Variants in MFAP3 observed in about 807,000 individuals in gnomAD.
MFAP3 encodes microfibril-associated glycoprotein 3.
Under a neutral mutation model 20.5 loss-of-function variants are expected in MFAP3, and 8 were observed. The observed-to-expected ratio is 0.39, with a 90% CI of 0.23 to 0.70. The LOEUF (loss-of-function observed/expected upper bound fraction) is 0.70, where lower values mean the gene tolerates loss of function less well. Among genes scored for constraint, MFAP3 ranks in the 30% least tolerant of loss-of-function variants. The pLI, the probability that MFAP3 is intolerant of heterozygous loss-of-function variation, is 0.44. For missense variants in MFAP3, 398 were observed against 444.6 expected (o/e 0.90, Z 0.94); for synonymous variants, 140 against 154.0 (o/e 0.91, Z 0.67).
At position 154,049,329 on chromosome 5, in the gene MFAP3, G is replaced by A. The variant is rs141618414; in HGVS notation, c.-166-228G>A. ...AGAGAGAATGCTGCTTGCCAAGGTC[G>A]TACAGCTAGTTAGTGGCAAAGCTAG... On this transcript the variant is annotated intron_variant, in intron 1 of 2. Coordinates refer to ENST00000522782, the MANE Select transcript of MFAP3 (RefSeq NM_005927.5). Among the ~76,000 whole-genome samples the A allele has an allele frequency of 3.5e-3, 527 of 152,252 alleles. 5 individuals are homozygous for A. Among genetic ancestry groups the A allele is most frequent in the African/African-American group, 9.0e-3 (373 of 41,556 alleles).
At position 154,055,515 on chromosome 5, in the gene MFAP3, T is replaced by G. The variant is rs544337167; in HGVS notation, c.*1802T>G. 2.0e-5 allele frequency among the ~76,000 whole-genome samples: 3 copies of G among 152,218 alleles called. No homozygotes were observed. Among genetic ancestry groups the G allele is most frequent in the Non-Finnish European group, 4.4e-5 (3 of 68,036 alleles). The stretch of plus-strand genomic sequence containing the variant: ...CCAAAGCTTGCCTTGGCTCATAGAC[T>G]GGTATTTCTTTAAGGAAAATTGTTT... On this transcript the variant is annotated 3_prime_UTR_variant, in exon 3 of 3. Transcript: ENST00000522782.
intron 2 of MFAP3, 83 bp from the exon 3 acceptor site, chr5:154,052,837 A>T: frequency 8.6e-7 from 1 of 1,160,764 alleles, no homozygotes; most frequent in Non-Finnish European, 1.2e-6. Flanking sequence ...ACTTTGATAA[A>T]GAGGTGGAAT....
Position 154,049,732 on chromosome 5 carries a change from C to T in MFAP3, c.10C>T (p.His4Tyr). The T allele has an allele frequency of 6.2e-7, 1 of 1,612,276 alleles. No individual in the cohort carries two copies. Among genetic ancestry groups the T allele is most frequent in the Non-Finnish European group, 8.5e-7 (1 of 1,178,706 alleles). The change falls in exon 2 of 3, where the codon CAT (histidine) becomes TAT (tyrosine). Residue 4 changes from histidine (H) to tyrosine (Y), a missense_variant. Transcript: ENST00000522782. Reference protein sequence around the residue: MKLHCCLFTLVASI... With the variant: MKLYCCLFTLVASI... ...TTTGTCCCATTTTCCCATGAAGCTA[C>T]ATTGTTGCTTATTCACTTTAGTGGC... is the stretch of plus-strand genomic sequence containing the variant.
At chr5:154,045,392 C>A (rs1197672973) in intron 1 of MFAP3, among the ~76,000 whole-genome samples, 2 of 151,892 alleles carry the variant, frequency 1.3e-5, no homozygotes, top group East Asian at 3.9e-4. Context: ...CATAATATTG[C>A]AAAATATTTG....
chr5:154,049,755 G>C lies in MFAP3; in HGVS notation c.33G>C (p.Val11=). Residue 11 remains valine, a synonymous_variant, in exon 2 of 3, where the codon GTG becomes GTC. Transcript: ENST00000522782. The part of the protein sequence containing the change: MKLHCCLFTL[V]ASIIVPAAFV... ...TACATTGTTGCTTATTCACTTTAGT[G>C]GCAAGTATTATTGTGCCAGCTGCTT... is the stretch of plus-strand genomic sequence containing the variant. The C allele has an allele frequency of 6.2e-7, 1 of 1,613,524 alleles. No homozygotes were observed. Among genetic ancestry groups the C allele is most frequent in the Non-Finnish European group, 8.5e-7 (1 of 1,179,614 alleles).
At position 154,049,652 on chromosome 5, in the gene MFAP3, G is replaced by A. The variant is rs923062015; in HGVS notation, c.-71G>A. ...TTCTCTACCAAGCAATAAATTACCC[G>A]CTGTGCTTTTGTTGTAGTGTAGAAG... On this transcript the variant is annotated 5_prime_UTR_variant, in exon 2 of 3. Coordinates refer to ENST00000522782, the MANE Select transcript of MFAP3 (RefSeq NM_005927.5). The A allele has an allele frequency of 1.1e-5, 16 of 1,437,678 alleles. No individual in the cohort carries two copies. The highest frequency in any genetic ancestry group is 4.1e-5 in the South Asian group (3 of 73,726). 89.1% of individuals were successfully genotyped at this position (1,437,678 alleles called of 1,614,324 possible).
Position 154,054,044 on chromosome 5 carries a change from C to A in MFAP3, c.*331C>A, listed in dbSNP as rs1773272052. 1.7e-5 allele frequency: 4 copies of A among 229,594 alleles called. No individual in the cohort carries two copies. In the South Asian group the frequency reaches 4.1e-4, roughly 23 times the overall value. 14.2% of individuals were successfully genotyped at this position (229,594 alleles called of 1,614,324 possible). A position where few individuals can be genotyped will look rare whatever the true frequency, so the allele number is the denominator to read the frequency against. Reference sequence around the variant, plus strand: ...GTTCTTCCATTGGTTGGATCTGATACTTATCTTGGGACTTCAGTTTTTCCG... The same window carrying A: ...GTTCTTCCATTGGTTGGATCTGATAATTATCTTGGGACTTCAGTTTTTCCG... On this transcript the variant is annotated 3_prime_UTR_variant, in exon 3 of 3. Coordinates refer to ENST00000522782, the MANE Select transcript of MFAP3 (RefSeq NM_005927.5).
At position 154,057,422 on chromosome 5, in the gene MFAP3, G is replaced by T. The variant is rs186178174; in HGVS notation, c.*3709G>T. Among the ~76,000 whole-genome samples, 12 of 152,086 alleles carry T rather than the reference G, an allele frequency of 7.9e-5. No individual in the cohort carries two copies. Among genetic ancestry groups the T allele is most frequent in the African/African-American group, 2.9e-4 (12 of 41,460 alleles). On this transcript the variant is annotated 3_prime_UTR_variant, in exon 3 of 3. Coordinates refer to ENST00000522782, the MANE Select transcript of MFAP3 (RefSeq NM_005927.5). Reference sequence around the variant, plus strand: ...CATACTTGAATATAATTTATTAAACGTTCAATGGAGTATATAGTCTATTTG... The same window carrying T: ...CATACTTGAATATAATTTATTAAACTTTCAATGGAGTATATAGTCTATTTG...
chr5:154,045,414 AG>A (rs1196569127), intron 1 of MFAP3, among the ~76,000 whole-genome samples: 2 of 152,208 alleles, frequency 1.3e-5, no homozygotes, highest in Non-Finnish European at 2.9e-5. Context: ...AATGAGAAAA[AG>A]AAAAATGTGA....
intron 1 of MFAP3, among the ~76,000 whole-genome samples, chr5:154,045,525 A>C (rs926797957): frequency 6.6e-6 from 1 of 152,208 alleles, no homozygotes; most frequent in Non-Finnish European, 1.5e-5. Context: ...TTTTATAATG[A>C]TGTAACTATC....
chr5:154,046,613 T>A (rs558401696), intron 1 of MFAP3, among the ~76,000 whole-genome samples: 3 of 152,046 alleles, frequency 2.0e-5, no homozygotes, highest in Non-Finnish European at 1.5e-5. Context: ...GCTAAGGCCT[T>A]GATAGGAGGT....
chr5:154,040,889 G>A (rs556810002), intron 1 of MFAP3, among the ~76,000 whole-genome samples: 1 of 152,056 alleles, frequency 6.6e-6, no homozygotes, highest in Non-Finnish European at 1.5e-5. Flanking sequence ...AGTTTCCAGA[G>A]CCTGAAGCTC....
Position 154,049,936 on chromosome 5 carries a change from G to A in MFAP3, c.214G>A (p.Glu72Lys). The A allele has an allele frequency of 6.2e-7, 1 of 1,613,638 alleles. No homozygotes were observed. The highest frequency in any genetic ancestry group is 8.5e-7 in the Non-Finnish European group (1 of 1,179,666). The change falls in exon 2 of 3, where the codon GAG (glutamate) becomes AAG (lysine). Residue 72 changes from glutamate (E) to lysine (K), a missense_variant. Coordinates refer to ENST00000522782, the MANE Select transcript of MFAP3 (RefSeq NM_005927.5). ...CAAAGAGGGAACTAGCGTTTCAATT[G>A]AGTGTCTTCTCACAGCCAGTCACTA... Reference protein sequence around the residue: ...IAKEGTSVSIECLLTASHYED... With the variant: ...IAKEGTSVSIKCLLTASHYED...
rs577345744 is a variant in MFAP3, at chr5:154,054,723, C to G, written c.*1010C>G. On this transcript the variant is annotated 3_prime_UTR_variant, in exon 3 of 3. Coordinates refer to ENST00000522782, the MANE Select transcript of MFAP3 (RefSeq NM_005927.5). ...ACCCAAAACTGGATTCCTCTTAAGA[C>G]CTCTGTCAACCCTCCTGCCCTTTGT... is the stretch of plus-strand genomic sequence containing the variant. 1.8e-5 allele frequency: 3 copies of G among 167,042 alleles called. No individual in the cohort carries two copies. The highest frequency in any genetic ancestry group is 7.2e-5 in the African/African-American group (3 of 41,434). 10.3% of individuals were successfully genotyped at this position (167,042 alleles called of 1,614,324 possible). A position where few individuals can be genotyped will look rare whatever the true frequency, so the allele number is the denominator to read the frequency against.
chr5:154,042,255 A>C (rs1772971673), intron 1 of MFAP3, among the ~76,000 whole-genome samples: 1 of 152,244 alleles, frequency 6.6e-6, no homozygotes, highest in Non-Finnish European at 1.5e-5. Flanking sequence ...TGTTTCATTG[A>C]TGTTTTTGTC....
At chr5:154,046,037 C>T (rs1389626813) in intron 1 of MFAP3, among the ~76,000 whole-genome samples, 2 of 152,164 alleles carry the variant, frequency 1.3e-5, no homozygotes, top group African/African-American at 4.8e-5. Flanking sequence ...AAGGCGCAAA[C>T]ACAGAGTTTC....
rs1188233611 is a variant in MFAP3, at chr5:154,053,422, C to G, written c.798C>G (p.Asp266Glu). 1 of 1,613,824 alleles carries G rather than the reference C, an allele frequency of 6.2e-7. No homozygotes were observed. Among genetic ancestry groups the G allele is most frequent in the Non-Finnish European group, 8.5e-7 (1 of 1,179,952 alleles). ...FEAVRVDDPDDLGERIKERPA... is the reference protein window; with the variant it reads ...FEAVRVDDPDELGERIKERPA... ...CTGTGCGAGTGGACGACCCTGATGACCTGGGTGAAAGAATTAAAGAGAGAC... is the reference window on the plus strand; with the variant it reads ...CTGTGCGAGTGGACGACCCTGATGAGCTGGGTGAAAGAATTAAAGAGAGAC... The change falls in exon 3 of 3, where the codon GAC (aspartate) becomes GAG (glutamate). Residue 266 changes from aspartate (D) to glutamate (E), a missense_variant. Asp to Glu is a conservative substitution (Grantham distance 45). Transcript: ENST00000522782.
Position 154,041,511 on chromosome 5 carries a change from C to G in MFAP3, c.-167+2500C>G, listed in dbSNP as rs536305806. ...GACTTAATGTTTAAATCCATTCATT[C>G]CTCCTGCAAGCAATTATCGTACATA... On this transcript the variant is annotated intron_variant, in intron 1 of 2. Transcript: ENST00000522782. Among the ~76,000 whole-genome samples the G allele has an allele frequency of 1.5e-4, 23 of 152,330 alleles. No homozygotes were observed. In the South Asian group the frequency reaches 4.8e-3, roughly 32 times the overall value.
At chr5:154,041,322 A>G (rs1386545892) in intron 1 of MFAP3, among the ~76,000 whole-genome samples, 1 of 152,262 alleles carries the variant, frequency 6.6e-6, no homozygotes, top group African/African-American at 2.4e-5. Flanking sequence ...AGAATAAAGT[A>G]AAACAAGCGT....
Sources: allele counts gnomAD v4.1 joint callset (sites outside exome capture counted in the v4.1 genomes callset), GRCh38; gene constraint gnomAD v4.1.1; transcripts MANE v1.5; gene names NCBI Gene and HGNC (gene_info 2026-07-23, HGNC 2026-07-21).